STXBP5: variants seen among roughly 807,000 people sequenced by gnomAD.
The protein encoded by STXBP5 is syntaxin-binding protein 5.
STXBP5 carries 50 observed loss-of-function variants against 152.4 expected under a neutral mutation model. The observed-to-expected ratio is 0.33, with a 90% CI of 0.26 to 0.42. The LOEUF is 0.42. STXBP5 is among the 10% of genes least tolerant of loss of function. The pLI, the probability that STXBP5 is intolerant of heterozygous loss-of-function variation, is 1.00. For synonymous variants in STXBP5, 492 were observed against 494.7 expected (o/e 0.99, Z 0.07); for missense variants, 1,167 against 1,388.6 (o/e 0.84, Z 2.54).
rs1786355103 is a variant in STXBP5 at position 147,386,703 on chromosome 6, A to G, written c.*1948A>G. The G allele has an allele frequency of 6.6e-6, 1 of 151,870 alleles. No homozygotes were observed. The highest frequency in any genetic ancestry group is 1.5e-5 in the Non-Finnish European group (1 of 67,816). The allele number at this position is 151,870 out of a possible 1,614,324, so 9.4% of individuals were successfully genotyped here. ...TATTATCCAGTAAACCCATAGTTCC[A>G]TGATATGTCACAGGAATTGTTAGGT... On this transcript the variant is annotated 3_prime_UTR_variant, in exon 28 of 28. Transcript: ENST00000321680.
chr6:147,281,068 T>G (rs1470509194), intron 8 of STXBP5, among the ~76,000 whole-genome samples: 3 of 152,190 alleles, frequency 2.0e-5, no homozygotes, highest in Non-Finnish European at 2.9e-5. Flanking sequence ...CAAAGCTAAA[T>G]TCATGTTGAC....
At chr6:147,310,603 A>C (rs1359883134) in intron 10 of STXBP5, among the ~76,000 whole-genome samples, 1 of 152,114 alleles carries the variant, frequency 6.6e-6, no homozygotes, top group Non-Finnish European at 1.5e-5. Context: ...GGGGCTGGCC[A>C]GTCTGAAACC....
At chr6:147,219,469 T>C (rs781097541) in intron 2 of STXBP5, among the ~76,000 whole-genome samples, 7 of 152,192 alleles carry the variant, frequency 4.6e-5, no homozygotes, top group Non-Finnish European at 7.4e-5. Context: ...CTTTATCTTC[T>C]GAAAGAGACT....
intron 16 of STXBP5, among the ~76,000 whole-genome samples, chr6:147,316,897 C>T (rs777274027): frequency 3.3e-5 from 5 of 152,044 alleles, no homozygotes; most frequent in Admixed American, 2.6e-4. Context: ...TGCTTTTATA[C>T]AGAGATAAAT....
chr6:147,229,213 A>G (rs1363796488), intron 2 of STXBP5, among the ~76,000 whole-genome samples: 1 of 152,130 alleles, frequency 6.6e-6, no homozygotes, highest in Non-Finnish European at 1.5e-5. Flanking sequence ...AGACAAAAAC[A>G]TATTTAAGAA....
intron 9 of STXBP5, among the ~76,000 whole-genome samples, chr6:147,297,921 A>T (rs1451193003): frequency 6.6e-6 from 1 of 152,094 alleles, no homozygotes; most frequent in Non-Finnish European, 1.5e-5. Context: ...ATCAAACCAC[A>T]AAGCCAAACA....
intron 7 of STXBP5, among the ~76,000 whole-genome samples, chr6:147,271,883 G>C (rs902099549): frequency 3.9e-5 from 6 of 151,974 alleles, no homozygotes; most frequent in African/African-American, 1.4e-4. Flanking sequence ...TAGTCAGAGT[G>C]GTGAGGAAAA....
chr6:147,370,194 A>G (rs1277511736), intron 25 of STXBP5, among the ~76,000 whole-genome samples: 1 of 152,064 alleles, frequency 6.6e-6, no homozygotes, highest in Non-Finnish European at 1.5e-5. Context: ...GAAAATACAA[A>G]TTATAGTGAA....
intron 6 of STXBP5, among the ~76,000 whole-genome samples, chr6:147,266,609 A>G (rs141925381): frequency 2.1e-4 from 32 of 152,216 alleles, no homozygotes; most frequent in African/African-American, 7.5e-4. Flanking sequence ...ATTAGAGAAT[A>G]TAATTAATTC....
chr6:147,321,990 T>C (rs1475235715), intron 16 of STXBP5, among the ~76,000 whole-genome samples: 2 of 152,184 alleles, frequency 1.3e-5, no homozygotes, highest in African/African-American at 4.8e-5. Context: ...TGTTTCCTTA[T>C]ACTAACTAAA....
chr6:147,278,196 C>T lies in STXBP5; in HGVS notation c.830C>T (p.Thr277Ile), dbSNP rs753119546. 5 of 1,606,404 alleles carry T rather than the reference C, an allele frequency of 3.1e-6. No homozygotes were observed. Among genetic ancestry groups the T allele is most frequent in the Non-Finnish European group, 4.3e-6 (5 of 1,175,778 alleles). The stretch of plus-strand genomic sequence containing the variant: ...CCTGCTAAACCAGTACAGACAATCA[C>T]TCCACATGGTAAGAATGCATCAATT... Reference protein sequence around the residue: ...RSPAKPVQTITPHGKQLKDGK... With the variant: ...RSPAKPVQTIIPHGKQLKDGK... Residue 277 changes from threonine (T) to isoleucine (I), a missense_variant, in exon 8 of 28, where the codon ACT (threonine) becomes ATT (isoleucine). Physicochemically the swap from Thr to Ile is moderately conservative, Grantham distance 89. This residue lies in a region of STXBP5 where 310 missense variants were observed against 346.1 expected (regional missense o/e 0.90). Coordinates refer to ENST00000321680, the MANE Select transcript of STXBP5 (RefSeq NM_001127715.4).
chr6:147,237,492 T>G (rs1778337294), intron 3 of STXBP5, among the ~76,000 whole-genome samples: 1 of 152,186 alleles, frequency 6.6e-6, no homozygotes, highest in Non-Finnish European at 1.5e-5. Context: ...GTGGTAAACA[T>G]TAAGAAAGAA....
At chr6:147,301,899 A>AT (rs1157796909) in intron 9 of STXBP5, among the ~76,000 whole-genome samples, 1 of 152,134 alleles carries the variant, frequency 6.6e-6, no homozygotes, top group Non-Finnish European at 1.5e-5. Context: ...CTACTGCTGT[A>AT]TTTTTAATCA....
chr6:147,259,111 TA>T (rs2115330171), intron 4 of STXBP5, among the ~76,000 whole-genome samples: 1 of 152,296 alleles, frequency 6.6e-6, no homozygotes, highest in Non-Finnish European at 1.5e-5. Flanking sequence ...ATTATTTATA[TA>T]TTTTTAAAAA....
intron 23 of STXBP5, among the ~76,000 whole-genome samples, chr6:147,360,521 A>G (rs984604278): frequency 3.3e-5 from 5 of 152,128 alleles, no homozygotes; most frequent in South Asian, 2.1e-4. Flanking sequence ...AATAATTACT[A>G]TGTAAGAAAA....
In STXBP5 at chr6:147,363,473, A is replaced by C. The variant is rs753959575; in HGVS notation, c.2684A>C (p.Lys895Thr). 3.1e-6 allele frequency: 5 copies of C among 1,614,004 alleles called. No individual in the cohort carries two copies. The highest frequency in any genetic ancestry group is 1.3e-5 in the African/African-American group (1 of 74,922). Residue 895 changes from lysine (K) to threonine (T), a missense_variant, in exon 24 of 28, where the codon AAA becomes ACA. Lys to Thr is a moderately conservative substitution (Grantham distance 78). This residue lies in a region of STXBP5 where 833 missense variants were observed against 986.3 expected (regional missense o/e 0.84). Coordinates refer to ENST00000321680, the MANE Select transcript of STXBP5 (RefSeq NM_001127715.4). Reference sequence around the variant, plus strand: ...AAAGACGAAAAGGAGAAATTGAAAAAACGGCGGCCTGTCTCAGTATCCCCC... The same window carrying C: ...AAAGACGAAAAGGAGAAATTGAAAACACGGCGGCCTGTCTCAGTATCCCCC... ...EEKDEKEKLK[K>T]RRPVSVSPSS...
chr6:147,256,695 C>T (rs903096906), intron 4 of STXBP5, among the ~76,000 whole-genome samples: 8 of 152,032 alleles, frequency 5.3e-5, no homozygotes, highest in Non-Finnish European at 8.8e-5. Flanking sequence ...AGGCTCAGGC[C>T]GTAAGGATGG....
intron 26 of STXBP5, among the ~76,000 whole-genome samples, chr6:147,377,137 CTT>C (rs1047098085): frequency 5.3e-5 from 8 of 152,106 alleles, no homozygotes; most frequent in Admixed American, 5.2e-4. Flanking sequence ...GTTAAAATAA[CTT>C]TAGTGTATAC....
intron 22 of STXBP5, among the ~76,000 whole-genome samples, chr6:147,358,442 A>G (rs957823691): frequency 6.6e-6 from 1 of 152,174 alleles, no homozygotes; most frequent in Non-Finnish European, 1.5e-5. Context: ...CACCCGGTTC[A>G]GTTCTGAGGA....
Sources: gnomAD v4.1 joint callset for allele counts (sites outside exome capture counted in the v4.1 genomes callset) on GRCh38, gnomAD v4.1.1 for gene constraint, gnomAD v4.1.1 regional missense constraint, MANE v1.5 for transcripts, NCBI Gene and HGNC (gene_info 2026-07-23, HGNC 2026-07-21) for gene names.